NKAIN3: variants seen among roughly 807,000 people sequenced by gnomAD.
NKAIN3 encodes the protein sodium/potassium transporting ATPase interacting 3.
In NKAIN3, 25 loss-of-function variants were observed where a neutral mutation model predicts 30.2. The ratio of observed to expected loss-of-function variants is 0.83; its 90% CI spans 0.60 to 1.16. The LOEUF is 1.16. Ranked by LOEUF, NKAIN3 falls within the 50% of genes most tolerant of loss-of-function variation. The pLI, the probability that NKAIN3 is intolerant of heterozygous loss-of-function variation, is 0.00. For synonymous variants in NKAIN3, 91 were observed against 89.6 expected, an observed-to-expected ratio of 1.02 and a Z score of -0.09; for missense variants, 225 against 254.1, an observed-to-expected ratio of 0.89 and a Z score of 0.78.
chr8:62,409,111 A>C lies in NKAIN3; in HGVS notation c.54+159984A>C, dbSNP rs184657169. ...TATATAATTTCTTACATCAATTACA[A>C]GTTAGTGTTCTGTGCTATTTTTGTC... On this transcript the variant is annotated intron_variant, in intron 1 of 6. Transcript: ENST00000623646. Among the ~76,000 whole-genome samples the C allele has an allele frequency of 2.1e-3, 321 of 152,256 alleles. 1 individual carries two copies. The highest frequency in any genetic ancestry group is 7.3e-3 in the African/African-American group (305 of 41,542).
intron 4 of NKAIN3, among the ~76,000 whole-genome samples, chr8:62,883,700 TG>T (rs1381376357): frequency 1.3e-5 from 2 of 151,978 alleles, no homozygotes. Context: ...TTTTTGTAGA[TG>T]TTTTTTGCCA....
chr8:62,858,065 TG>T (rs59385063), intron 4 of NKAIN3, among the ~76,000 whole-genome samples: 3,170 of 151,500 alleles, frequency 0.021, 106 homozygotes, highest in African/African-American at 0.071. Context: ...GTGTTTTTTT[TG>T]TTGTTGTTGT....
chr8:62,993,984 G>A (rs1462286108), intron 5 of NKAIN3, among the ~76,000 whole-genome samples: 1 of 152,000 alleles, frequency 6.6e-6, no homozygotes, highest in Non-Finnish European at 1.5e-5. Context: ...CATTATTCCA[G>A]AGCCTTTTAT....
chr8:62,370,370 A>C (rs1816869731), intron 1 of NKAIN3, among the ~76,000 whole-genome samples: 1 of 152,042 alleles, frequency 6.6e-6, no homozygotes, highest in African/African-American at 2.4e-5. Flanking sequence ...CGCGAAATGT[A>C]AACATTTAAA....
At chr8:62,623,849 G>A (rs533753332) in intron 3 of NKAIN3, among the ~76,000 whole-genome samples, 1 of 152,084 alleles carries the variant, frequency 6.6e-6, no homozygotes, top group African/African-American at 2.4e-5. Context: ...AGTTTATTAA[G>A]AAAATGAAGG....
At chr8:62,866,619 A>G (rs1305083507) in intron 4 of NKAIN3, among the ~76,000 whole-genome samples, 2 of 152,204 alleles carry the variant, frequency 1.3e-5, no homozygotes, top group African/African-American at 2.4e-5. Context: ...TAAATTTTAC[A>G]TTAATTAAGG....
intron 1 of NKAIN3, among the ~76,000 whole-genome samples, chr8:62,342,995 A>G (rs1815801948): frequency 6.6e-6 from 1 of 152,120 alleles, no homozygotes; most frequent in Non-Finnish European, 1.5e-5. Context: ...GAGAGTGGAA[A>G]ATACAAGTAT....
In NKAIN3 at chr8:62,581,767, TCCTC is replaced by T. The variant is rs1205443394; in HGVS notation, c.192+2107_192+2110del. Among the ~76,000 whole-genome samples the T allele has an allele frequency of 5.8e-5, 8 of 137,324 alleles. 1 individual carries two copies. Among genetic ancestry groups the T allele is most frequent in the South Asian group, 2.6e-4 (1 of 3,838 alleles). The allele number at this position is 137,324 out of a possible 152,430, so 90.1% of individuals were successfully genotyped here. A position where few individuals can be genotyped will look rare whatever the true frequency, so the allele number is the denominator to read the frequency against. On this transcript the variant is annotated intron_variant, in intron 2 of 6. Coordinates refer to ENST00000623646, the MANE Select transcript of NKAIN3 (RefSeq NM_001304533.3). The stretch of plus-strand genomic sequence containing the variant: ...TCCATCCATCCCTTCTTTCCTTCCT[TCCTC>T]CCTCCCTCCCTCCCTTTCTCCCACC...
At chr8:62,988,790 T>C (rs545981193), downstream of NKAIN3, among the ~76,000 whole-genome samples, 3 of 152,358 alleles carry the variant, frequency 2.0e-5, no homozygotes, top group Non-Finnish European at 2.9e-5. Context: ...CCTCATTACT[T>C]ATGCAAATTT....
intron 3 of NKAIN3, among the ~76,000 whole-genome samples, chr8:62,745,813 TA>T (rs1816050586): frequency 6.6e-6 from 1 of 152,136 alleles, no homozygotes; most frequent in Non-Finnish European, 1.5e-5. Flanking sequence ...CTTCAGAGTA[TA>T]AGGAATGATC....
intron 1 of NKAIN3, among the ~76,000 whole-genome samples, chr8:62,479,474 C>G (rs1806636594): frequency 6.6e-6 from 1 of 152,170 alleles, no homozygotes; most frequent in Non-Finnish European, 1.5e-5. Flanking sequence ...CCTGTTCCCT[C>G]CACTGGGTTT....
intron 1 of NKAIN3, among the ~76,000 whole-genome samples, chr8:62,310,706 C>A (rs1157861784): frequency 6.7e-6 from 1 of 150,158 alleles, no homozygotes; most frequent in South Asian, 2.1e-4. Flanking sequence ...GTTCCATTTG[C>A]GCATCCTCGG....
chr8:62,376,989 G>A (rs942381835), intron 1 of NKAIN3, among the ~76,000 whole-genome samples: 2 of 151,916 alleles, frequency 1.3e-5, no homozygotes, highest in African/African-American at 4.8e-5. Context: ...GACCTACATT[G>A]TATGCAGATA....
rs187053907 is a variant in NKAIN3, at chr8:62,443,922, A to C, written c.55-135617A>C. ...GTAAGCACTTTGCCTGTATCATCTCATTTCATTTATATAAAGCTCTAACAG... is the reference window on the plus strand; with the variant it reads ...GTAAGCACTTTGCCTGTATCATCTCCTTTCATTTATATAAAGCTCTAACAG... On this transcript the variant is annotated intron_variant, in intron 1 of 6. Transcript: ENST00000623646. Among the ~76,000 whole-genome samples, 553 of 152,168 alleles carry C rather than the reference A, an allele frequency of 3.6e-3. 1 individual carries two copies. Among genetic ancestry groups the C allele is most frequent in the Non-Finnish European group, 6.4e-3 (434 of 68,002 alleles).
chr8:62,791,222 A>G (rs1586199188), intron 4 of NKAIN3, among the ~76,000 whole-genome samples: 2 of 152,126 alleles, frequency 1.3e-5, no homozygotes, highest in Non-Finnish European at 1.5e-5. Flanking sequence ...AATCTTCCAC[A>G]TGACAGTGGA....
chr8:62,544,303 T>A (rs1808941215), intron 1 of NKAIN3, among the ~76,000 whole-genome samples: 1 of 152,128 alleles, frequency 6.6e-6, no homozygotes, highest in African/African-American at 2.4e-5. Context: ...GAATCCAGAC[T>A]TGTGTATTTT....
chr8:62,493,279 G>T (rs1807131293), intron 1 of NKAIN3, among the ~76,000 whole-genome samples: 1 of 152,040 alleles, frequency 6.6e-6, no homozygotes, highest in South Asian at 2.1e-4. Context: ...ATTGAATAGG[G>T]ACTCCTTTCC....
At chr8:62,466,634 A>G (rs1806172771) in intron 1 of NKAIN3, among the ~76,000 whole-genome samples, 1 of 152,202 alleles carries the variant, frequency 6.6e-6, no homozygotes, top group African/African-American at 2.4e-5. Flanking sequence ...CTGGGTGAGC[A>G]CACTAAAATC....
chr8:62,795,360 CCCA>C (rs1817827653), intron 4 of NKAIN3, among the ~76,000 whole-genome samples: 1 of 151,950 alleles, frequency 6.6e-6, no homozygotes, highest in South Asian at 2.1e-4. Context: ...TACTTTTTTC[CCCA>C]CCATGTTCAT....
Sources: allele counts gnomAD v4.1 joint callset (sites outside exome capture counted in the v4.1 genomes callset), GRCh38; gene constraint gnomAD v4.1.1; transcripts MANE v1.5; gene names NCBI Gene and HGNC (gene_info 2026-07-23, HGNC 2026-07-21).